Variants in RIMS2 observed in about 807,000 individuals in gnomAD.
RIMS2 encodes the protein regulating synaptic membrane exocytosis 2, also known as regulating synaptic membrane exocytosis protein 2.
A neutral mutation model predicts 174.4 loss-of-function variants in RIMS2; 59 were observed. The ratio of observed to expected loss-of-function variants is 0.34; its 90% CI spans 0.27 to 0.42. The LOEUF is 0.42. Ranked by LOEUF, RIMS2 falls within the 10% of genes least tolerant of loss-of-function variation. The pLI, the probability that RIMS2 is intolerant of heterozygous loss-of-function variation, is 1.00. For synonymous variants in RIMS2, 606 were observed against 572.5 expected, an observed-to-expected ratio of 1.06 and a Z score of -0.84; for missense variants, 1,620 against 1,666.3, an observed-to-expected ratio of 0.97 and a Z score of 0.48.
At chr8:103,718,958 A>T (rs2097409690) in intron 2 of RIMS2, among the ~76,000 whole-genome samples, 1 of 152,130 alleles carries the variant, frequency 6.6e-6, no homozygotes, top group Non-Finnish European at 1.5e-5. Context: ...CCTCCAACAG[A>T]CATTTTTAAC....
At chr8:103,918,338 C>A (rs1376150627) in intron 8 of RIMS2, 103 bp from the exon 12 acceptor site, 3 of 636,790 alleles carry the variant, frequency 4.7e-6, no homozygotes, top group Non-Finnish European at 8.0e-6. Context: ...CAGTTTTCTT[C>A]ATTTTACACT....
chr8:103,995,597 G>A (rs1231924246), intron 17 of RIMS2, among the ~76,000 whole-genome samples: 1 of 152,024 alleles, frequency 6.6e-6, no homozygotes, highest in African/African-American at 2.4e-5. Flanking sequence ...GTAGTGGTAT[G>A]GGGAATGGAA....
At chr8:103,943,736 T>G (rs1472611729) in intron 14 of RIMS2, among the ~76,000 whole-genome samples, 4 of 152,174 alleles carry the variant, frequency 2.6e-5, no homozygotes, top group Non-Finnish European at 5.9e-5. Flanking sequence ...TATTGGAGAC[T>G]GAGGTGTATG....
At chr8:103,811,216 A>T (rs1354758024) in intron 3 of RIMS2, among the ~76,000 whole-genome samples, 2 of 152,166 alleles carry the variant, frequency 1.3e-5, no homozygotes, top group Non-Finnish European at 2.9e-5. Flanking sequence ...CTTGTTAGTT[A>T]CCAAGGAAAT....
chr8:103,711,078 A>C (rs1021761048), intron 2 of RIMS2, among the ~76,000 whole-genome samples: 2 of 152,252 alleles, frequency 1.3e-5, no homozygotes, highest in African/African-American at 2.4e-5. Flanking sequence ...ATATTCTTAA[A>C]GTTGATCTAC....
chr8:103,732,114 G>A (rs1233208023), intron 2 of RIMS2, among the ~76,000 whole-genome samples: 3 of 152,180 alleles, frequency 2.0e-5, no homozygotes, highest in African/African-American at 7.2e-5. Flanking sequence ...CTTGGGTGTT[G>A]TGATCTAAGT....
At chr8:103,885,987 G>A in exon 4 of RIMS2, 1 of 1,612,990 alleles carries the variant, frequency 6.2e-7, no homozygotes, top group Non-Finnish European at 8.5e-7. Flanking sequence ...TTAGATCCTA[G>A]CTCTGCTGTA....
intron 1 of RIMS2, among the ~76,000 whole-genome samples, chr8:103,502,311 G>C (rs1820647375): frequency 6.6e-6 from 1 of 151,896 alleles, no homozygotes; most frequent in African/African-American, 2.4e-5. Context: ...ATTGTCAATA[G>C]GTATATATTT....
chr8:103,538,288 C>A (rs1840782044), intron 1 of RIMS2, among the ~76,000 whole-genome samples: 1 of 152,030 alleles, frequency 6.6e-6, no homozygotes, highest in Admixed American at 6.6e-5. Flanking sequence ...GGAATTATTG[C>A]AATTATAACA....
At position 104,251,016 on chromosome 8, in the gene RIMS2, T is replaced by A. The variant is rs755605525; in HGVS notation, c.3692-8T>A. The A allele has an allele frequency of 3.1e-6, 5 of 1,610,306 alleles. No homozygotes were observed. Among genetic ancestry groups the A allele is most frequent in the Non-Finnish European group, 4.2e-6 (5 of 1,177,948 alleles). ...TTGCTCATTCTCCTCTGTGTTTTCT[T>A]TCCCAAGCACCGTATGTAAAAGTGT... On this transcript the variant is annotated splice_region_variant and splice_polypyrimidine_tract_variant and intron_variant, in intron 22 of 23. Coordinates refer to ENST00000504942, the Ensembl canonical transcript of RIMS2.
chr8:104,141,957 T>C (rs2098581389), intron 19 of RIMS2, among the ~76,000 whole-genome samples: 1 of 152,196 alleles, frequency 6.6e-6, no homozygotes. Flanking sequence ...ATTATTTATA[T>C]GTTTACTGTC....
chr8:104,235,301 C>T (rs1428782929), intron 19 of RIMS2, among the ~76,000 whole-genome samples: 1 of 152,060 alleles, frequency 6.6e-6, no homozygotes, highest in African/African-American at 2.4e-5. Flanking sequence ...GAGAAGCAAG[C>T]TTAGGTTTTG....
At chr8:103,671,208 A>G (rs943876650) in intron 1 of RIMS2, among the ~76,000 whole-genome samples, 2 of 152,086 alleles carry the variant, frequency 1.3e-5, no homozygotes, top group African/African-American at 2.4e-5. Context: ...CGCCCTCATG[A>G]TTCAGTTATC....
At chr8:103,838,006 G>A (rs137873609) in intron 3 of RIMS2, among the ~76,000 whole-genome samples, 38 of 150,452 alleles carry the variant, frequency 2.5e-4, no homozygotes, top group African/African-American at 9.3e-4. Context: ...GAGTGCAGTG[G>A]CAGGATCTCC....
chr8:104,094,211 T>G (rs2097713351), intron 19 of RIMS2, among the ~76,000 whole-genome samples: 1 of 152,048 alleles, frequency 6.6e-6, no homozygotes, highest in Non-Finnish European at 1.5e-5. Context: ...TTAAAAATTT[T>G]ATAACAGGGA....
intron 1 of RIMS2, among the ~76,000 whole-genome samples, chr8:103,666,705 C>T (rs2096673807): frequency 1.3e-5 from 2 of 152,200 alleles, no homozygotes; most frequent in South Asian, 2.1e-4. Flanking sequence ...TTGATCTGGT[C>T]TGGTCTGTTA....
At chr8:104,042,104 T>C (rs1250638714) in intron 19 of RIMS2, among the ~76,000 whole-genome samples, 1 of 151,414 alleles carries the variant, frequency 6.6e-6, no homozygotes, top group East Asian at 1.9e-4. Flanking sequence ...TGTATGTACA[T>C]GTATATACAC....
chr8:103,972,034 G>C (rs2092942717), intron 15 of RIMS2, among the ~76,000 whole-genome samples: 1 of 152,016 alleles, frequency 6.6e-6, no homozygotes, highest in Non-Finnish European at 1.5e-5. Context: ...CCTTCTCCTA[G>C]TGATCTCAAG....
intron 19 of RIMS2, among the ~76,000 whole-genome samples, chr8:104,068,069 T>G (rs1233576231): frequency 6.6e-6 from 1 of 152,184 alleles, no homozygotes; most frequent in African/African-American, 2.4e-5. Flanking sequence ...TAGCCTAATT[T>G]TATGATAACA....
Sources: gnomAD v4.1 joint callset for allele counts (sites outside exome capture counted in the v4.1 genomes callset) on GRCh38, gnomAD v4.1.1 for gene constraint, MANE v1.5 for transcripts, NCBI Gene and HGNC (gene_info 2026-07-23, HGNC 2026-07-21) for gene names.